MRPL1: variants seen among roughly 807,000 people sequenced by gnomAD.
MRPL1 encodes the protein large ribosomal subunit protein uL1m.
Under a neutral mutation model 38.0 loss-of-function variants are expected in MRPL1, and 28 were observed. The ratio of observed to expected loss-of-function variants is 0.74; its 90% confidence interval spans 0.55 to 1.01. The LOEUF is 1.01. Among genes scored for constraint, MRPL1 ranks in the 50% least tolerant of loss-of-function variants. The pLI, the probability that MRPL1 is intolerant of heterozygous loss-of-function variation, is 0.00. For synonymous variants in MRPL1, 123 were observed against 126.7 expected, an observed-to-expected ratio of 0.97 and a Z score of 0.20; for missense variants, 358 against 389.8, an observed-to-expected ratio of 0.92 and a Z score of 0.69.
At chr4:77,931,481 AT>A (rs1236325203) in intron 7 of MRPL1, among the ~76,000 whole-genome samples, 1 of 152,232 alleles carries the variant, frequency 6.6e-6, no homozygotes, top group Non-Finnish European at 1.5e-5. Context: ...GTTAGAGAGG[AT>A]TAATGAATCA....
Position 77,883,339 on chromosome 4 carries a change from G to A in MRPL1, c.241G>A (p.Glu81Lys), listed in dbSNP as rs116727867. 3.2e-4 allele frequency: 510 copies of A among 1,613,704 alleles called. No homozygotes were observed. In the African/African-American group the frequency reaches 6.2e-3, roughly 20 times the overall value. Residue 81 changes from glutamate (E) to lysine (K), a missense_variant, in exon 3 of 9, where the codon GAA becomes AAA. By Grantham distance (56) the Glu-to-Lys change is moderately conservative. Coordinates refer to ENST00000315567, the MANE Select transcript of MRPL1 (RefSeq NM_020236.4). ...KIKAYPYMEG[E>K]PEDDVYLKRL... ...AAAAGCATATCCCTATATGGAAGGC[G>A]AACCTGAGGATGATGTCTATTTAAA...
At chr4:77,915,981 A>G (rs1736415133) in intron 7 of MRPL1, among the ~76,000 whole-genome samples, 1 of 152,208 alleles carries the variant, frequency 6.6e-6, no homozygotes, top group Non-Finnish European at 1.5e-5. Context: ...GATCAGATAA[A>G]AGGGAAAAGT....
intron 5 of MRPL1, among the ~76,000 whole-genome samples, chr4:77,893,923 T>C (rs1735857426): frequency 6.6e-6 from 1 of 152,178 alleles, no homozygotes; most frequent in Non-Finnish European, 1.5e-5. Flanking sequence ...CATTAATTTT[T>C]TTTTTTAAGG....
chr4:77,864,005 T>G (rs1416679377), intron 1 of MRPL1, among the ~76,000 whole-genome samples: 5 of 142,168 alleles, frequency 3.5e-5, no homozygotes, highest in Non-Finnish European at 6.4e-5. Flanking sequence ...TCACAGTTTT[T>G]TTTTTTTTTT....
chr4:77,891,940 C>T (rs1008575639), intron 5 of MRPL1, among the ~76,000 whole-genome samples: 1 of 152,194 alleles, frequency 6.6e-6, no homozygotes, highest in South Asian at 2.1e-4. Flanking sequence ...CAAGTTACCC[C>T]GTGGTGTCTT....
At chr4:77,888,124 C>T (rs1333155068) in intron 5 of MRPL1, among the ~76,000 whole-genome samples, 2 of 152,122 alleles carry the variant, frequency 1.3e-5, no homozygotes, top group East Asian at 3.9e-4. Flanking sequence ...GCTTTTGGTT[C>T]CTCTTAACTT....
intron 7 of MRPL1, among the ~76,000 whole-genome samples, chr4:77,946,027 G>A (rs1429382622): frequency 1.3e-5 from 2 of 152,062 alleles, no homozygotes; most frequent in Non-Finnish European, 2.9e-5. Flanking sequence ...AATTCACCAG[G>A]GTGGGGTTTT....
intron 8 of MRPL1, among the ~76,000 whole-genome samples, chr4:77,950,229 C>G (rs925865708): frequency 1.3e-5 from 2 of 152,150 alleles, no homozygotes; most frequent in African/African-American, 4.8e-5. Context: ...TATTTTGAAA[C>G]CAGATCATTC....
At chr4:77,864,603 T>C (rs745821305) in intron 1 of MRPL1, 4 of 152,208 alleles carry the variant, frequency 2.6e-5, no homozygotes, top group African/African-American at 9.6e-5. Flanking sequence ...CTCTGAAATA[T>C]ACGTTTTCCT....
intron 6 of MRPL1, among the ~76,000 whole-genome samples, chr4:77,895,315 A>C (rs1308537229): frequency 2.0e-5 from 3 of 152,126 alleles, no homozygotes; most frequent in Non-Finnish European, 4.4e-5. Context: ...GAAATGTATA[A>C]ATGTCAAGGA....
chr4:77,912,403 A>G (rs1736309647), intron 7 of MRPL1, among the ~76,000 whole-genome samples: 1 of 152,222 alleles, frequency 6.6e-6, no homozygotes, highest in Non-Finnish European at 1.5e-5. Flanking sequence ...ATGTTTCTGT[A>G]TAACAGCAAG....
At chr4:77,940,688 C>T (rs550573395) in intron 7 of MRPL1, among the ~76,000 whole-genome samples, 3 of 152,128 alleles carry the variant, frequency 2.0e-5, no homozygotes, top group Admixed American at 2.0e-4. Context: ...GGTTTGTCAT[C>T]GTGGCTTTTA....
At chr4:77,885,400 C>G (rs1465243572) in intron 4 of MRPL1, 61 bp downstream of exon 4, 4 of 1,309,060 alleles carry the variant, frequency 3.1e-6, no homozygotes, top group East Asian at 4.7e-5. Context: ...CGGAGTCTCA[C>G]TCTGTCACCA....
chr4:77,868,716 G>A (rs1198513436), intron 1 of MRPL1, among the ~76,000 whole-genome samples: 1 of 152,164 alleles, frequency 6.6e-6, no homozygotes, highest in Non-Finnish European at 1.5e-5. Flanking sequence ...GGAGTGGAAA[G>A]CAATAGGGGA....
rs530926298 is a variant in MRPL1, at chr4:77,910,147, C to G, written c.777+775C>G. Among the ~76,000 whole-genome samples, 4 of 152,176 alleles carry G rather than the reference C, an allele frequency of 2.6e-5. No individual in the cohort carries two copies. In the East Asian group the frequency reaches 7.7e-4, roughly 29 times the overall value. On this transcript the variant is annotated intron_variant, in intron 7 of 8. Transcript: ENST00000315567. ...CCATATGAGAGGTAAAATGATCACC[C>G]CTGTCTTATAGATGAAGGCATGCAA...
intron 6 of MRPL1, chr4:77,906,920 T>A: frequency 7.2e-6 from 7 of 969,302 alleles, no homozygotes; most frequent in Non-Finnish European, 8.6e-6. Context: ...AATTATTCAT[T>A]TGTATATCCA....
intron 7 of MRPL1, among the ~76,000 whole-genome samples, chr4:77,917,715 G>T (rs1265249668): frequency 6.6e-6 from 1 of 152,106 alleles, no homozygotes; most frequent in Non-Finnish European, 1.5e-5. Context: ...AGGCGAGATA[G>T]ATATGTAAAT....
intron 2 of MRPL1, among the ~76,000 whole-genome samples, chr4:77,882,612 A>C (rs1052692655): frequency 6.6e-6 from 1 of 152,188 alleles, no homozygotes; most frequent in African/African-American, 2.4e-5. Flanking sequence ...TCTTTCACTT[A>C]GCTTAATGTT....
chr4:77,935,741 T>C (rs1736955475), intron 7 of MRPL1, among the ~76,000 whole-genome samples: 1 of 151,998 alleles, frequency 6.6e-6, no homozygotes, highest in Non-Finnish European at 1.5e-5. Context: ...AGAAGTAAAC[T>C]GTGGGCCAGG....
Sources: gnomAD v4.1 joint callset for allele counts (sites outside exome capture counted in the v4.1 genomes callset) on GRCh38, gnomAD v4.1.1 for gene constraint, MANE v1.5 for transcripts, NCBI Gene and HGNC (gene_info 2026-07-23, HGNC 2026-07-21) for gene names.